MAGI2: variants seen among roughly 807,000 people sequenced by gnomAD.
MAGI2 encodes membrane-associated guanylate kinase, WW and PDZ domain-containing protein 2.
In MAGI2, 35 loss-of-function variants were observed where a neutral mutation model predicts 133.3. The ratio of observed to expected loss-of-function variants is 0.26; its 90% CI spans 0.20 to 0.35. The LOEUF (loss-of-function observed/expected upper bound fraction) is 0.35, where lower values mean the gene tolerates loss of function less well. MAGI2 is among the 10% of genes least tolerant of loss of function. MAGI2 has a pLI of 1.00. For missense variants in MAGI2, 1,636 were observed against 1,863.4 expected, an observed-to-expected ratio of 0.88 and a Z score of 2.25; for synonymous variants, 729 against 710.6, an observed-to-expected ratio of 1.03 and a Z score of -0.41.
chr7:78,839,328 T>C (rs1791924652), intron 2 of MAGI2, among the ~76,000 whole-genome samples: 1 of 152,148 alleles, frequency 6.6e-6, no homozygotes, highest in Non-Finnish European at 1.5e-5. Context: ...CCAGCTATTT[T>C]AGTGCATTCA....
chr7:78,592,456 G>A (rs1166176606), intron 3 of MAGI2, among the ~76,000 whole-genome samples: 1 of 151,844 alleles, frequency 6.6e-6, no homozygotes, highest in Admixed American at 6.6e-5. Flanking sequence ...AGCCATAGAT[G>A]TGATTAGAGC....
chr7:78,042,639 G>C (rs925483158), intron 21 of MAGI2, among the ~76,000 whole-genome samples: 1 of 152,258 alleles, frequency 6.6e-6, no homozygotes, highest in African/African-American at 2.4e-5. Flanking sequence ...CTACCTCATA[G>C]TTGTTGTGAG....
intron 3 of MAGI2, among the ~76,000 whole-genome samples, chr7:78,598,741 G>T (rs1371876987): frequency 2.0e-5 from 3 of 152,158 alleles, no homozygotes. Flanking sequence ...ACCGTAGACA[G>T]GTCTAAGGAA....
rs191871471 is a variant in MAGI2 at position 78,149,061 on chromosome 7, C to A, written c.2845+10964G>T. ...CCATAATACTCCAGAATTGTGCAGTCCAACATGGTAGCTACAAGCATCATG... is the reference window on the plus strand; with the variant it reads ...CCATAATACTCCAGAATTGTGCAGTACAACATGGTAGCTACAAGCATCATG... On this transcript the variant is annotated intron_variant, in intron 16 of 21. Transcript: ENST00000354212. Among the ~76,000 whole-genome samples the A allele has an allele frequency of 2.6e-5, 4 of 152,156 alleles. No individual in the cohort carries two copies. In the East Asian group the frequency reaches 7.7e-4, roughly 29 times the overall value.
intron 10 of MAGI2, among the ~76,000 whole-genome samples, chr7:78,221,257 G>A (rs922000700): frequency 1.3e-5 from 2 of 152,140 alleles, no homozygotes; most frequent in Non-Finnish European, 1.5e-5. Context: ...TTCTCATCAG[G>A]ATGACTGCTC....
chr7:78,576,948 G>A (rs1802330794), intron 3 of MAGI2, among the ~76,000 whole-genome samples: 1 of 151,966 alleles, frequency 6.6e-6, no homozygotes, highest in Non-Finnish European at 1.5e-5. Context: ...AAACAAACAA[G>A]CAAGCAAACA....
At chr7:79,043,461 TGA>T (rs1427141733) in intron 1 of MAGI2, among the ~76,000 whole-genome samples, 1 of 141,700 alleles carries the variant, frequency 7.1e-6, no homozygotes, top group Non-Finnish European at 1.5e-5. Flanking sequence ...GAGAATTGCT[TGA>T]ATCCGGGAGG....
chr7:78,909,790 T>C (rs971551867), intron 2 of MAGI2, among the ~76,000 whole-genome samples: 6 of 152,130 alleles, frequency 3.9e-5, no homozygotes, highest in Non-Finnish European at 7.3e-5. Flanking sequence ...ACTGGATGTA[T>C]ACCCAAAGGA....
At chr7:79,041,033 T>C (rs571239764) in intron 1 of MAGI2, among the ~76,000 whole-genome samples, 5 of 152,256 alleles carry the variant, frequency 3.3e-5, no homozygotes, top group African/African-American at 9.6e-5. Flanking sequence ...GTGATGTATA[T>C]CCCAAGTACT....
intron 1 of MAGI2, among the ~76,000 whole-genome samples, chr7:79,171,773 T>TTTTTTTTG (rs1394612633): frequency 5.1e-5 from 4 of 78,002 alleles, no homozygotes; most frequent in African/African-American, 2.7e-4. Flanking sequence ...TATATATATT[T>TTTTTTTTG]TTTTTTTTTT....
chr7:79,447,810 C>T (rs1208034875), intron 1 of MAGI2, among the ~76,000 whole-genome samples: 1 of 151,776 alleles, frequency 6.6e-6, no homozygotes, highest in Admixed American at 6.6e-5. Flanking sequence ...TTGCAATACT[C>T]ACAAATGCAA....
intron 1 of MAGI2, among the ~76,000 whole-genome samples, chr7:79,139,220 A>C (rs913935323): frequency 1.3e-5 from 2 of 152,154 alleles, no homozygotes; most frequent in Non-Finnish European, 2.9e-5. Context: ...CTAGGAAACA[A>C]ATACATGTTT....
intron 10 of MAGI2, among the ~76,000 whole-genome samples, chr7:78,208,027 G>A (rs1787281396): frequency 6.6e-6 from 1 of 151,660 alleles, no homozygotes; most frequent in Non-Finnish European, 1.5e-5. Context: ...CCACCACCAT[G>A]CCCGGCTAAT....
chr7:79,267,712 A>T (rs1000637150), intron 1 of MAGI2, among the ~76,000 whole-genome samples: 1 of 152,184 alleles, frequency 6.6e-6, no homozygotes, highest in African/African-American at 2.4e-5. Context: ...ATAGACAGAT[A>T]GAAGGAGAAA....
At chr7:78,282,576 C>T (rs1252194037) in intron 9 of MAGI2, among the ~76,000 whole-genome samples, 1 of 152,046 alleles carries the variant, frequency 6.6e-6, no homozygotes, top group African/African-American at 2.4e-5. Flanking sequence ...CTGACCCCTG[C>T]CTTAGACTGT....
intron 7 of MAGI2, among the ~76,000 whole-genome samples, chr7:78,351,116 T>C (rs1204670408): frequency 1.3e-5 from 2 of 152,142 alleles, no homozygotes; most frequent in Admixed American, 6.5e-5. Flanking sequence ...ATGAGGTACA[T>C]AGTGCTCAAA....
chr7:79,435,033 T>C (rs181096073), intron 1 of MAGI2, among the ~76,000 whole-genome samples: 43 of 152,326 alleles, frequency 2.8e-4, no homozygotes, highest in Admixed American at 2.5e-3. Context: ...GCTTTCAAGC[T>C]TCCTGGCCTT....
intron 2 of MAGI2, among the ~76,000 whole-genome samples, chr7:78,830,665 T>G (rs1791064983): frequency 1.3e-5 from 2 of 151,920 alleles, no homozygotes; most frequent in South Asian, 4.1e-4. Context: ...CACATTACAA[T>G]GAAAAAAAAT....
chr7:78,397,292 A>T lies in MAGI2; in HGVS notation c.1046-28079T>A, dbSNP rs573516982. ...GCAGAGAAGGATTGAGTCTATAAAA[A>T]TACACTGGCGTCAAGGTGGCCAGAC... On this transcript the variant is annotated intron_variant, in intron 6 of 21. Transcript: ENST00000354212. Among the ~76,000 whole-genome samples the T allele has an allele frequency of 2.0e-5, 3 of 152,112 alleles. No individual in the cohort carries two copies. In the South Asian group the frequency reaches 6.2e-4, roughly 32 times the overall value.
Sources: allele counts gnomAD v4.1 joint callset (sites outside exome capture counted in the v4.1 genomes callset), GRCh38; gene constraint gnomAD v4.1.1; transcripts MANE v1.5; gene names NCBI Gene and HGNC (gene_info 2026-07-23, HGNC 2026-07-21).